PSMD11: variants seen among roughly 807,000 people sequenced by gnomAD.
The protein encoded by PSMD11 is proteasome 26S subunit, non-ATPase 11.
A neutral mutation model predicts 62.3 loss-of-function variants in PSMD11; 5 were observed. The ratio of observed to expected loss-of-function variants is 0.08; its 90% CI spans 0.04 to 0.17. PSMD11 has a LOEUF of 0.17. Among genes scored for constraint, PSMD11 ranks in the 10% least tolerant of loss-of-function variants. The probability of loss-of-function intolerance (pLI) is 1.00; values close to 1 mark genes in which losing one functional copy is unlikely to be tolerated. For missense variants in PSMD11, 310 were observed against 512.9 expected (o/e 0.60, Z 3.82); for synonymous variants, 191 against 191.8 (o/e 1.00, Z 0.03).
chr17:32,444,727 G>T, intron 1 of PSMD11, 113 bp downstream of exon 1: 1 of 1,350,978 alleles, frequency 7.4e-7, no homozygotes, highest in South Asian at 1.3e-5. Flanking sequence ...GACTCACTGT[G>T]TGAGGGGGGC....
Position 32,459,723 on chromosome 17 carries a change from T to C in PSMD11, c.319-4326T>C, listed in dbSNP as rs373458427. Among the ~76,000 whole-genome samples the C allele has an allele frequency of 5.9e-5, 9 of 152,136 alleles. No homozygotes were observed. The East Asian group carries it at 1.7e-3, about 29-fold the overall frequency. On this transcript the variant is annotated intron_variant, in intron 3 of 13. Coordinates refer to ENST00000261712, the MANE Select transcript of PSMD11 (RefSeq NM_002815.4). ...CTCTGTCTCCCAGGCTGGAGTGCAGTGGTGTGATCTTGGCTCACTACAACT... is the reference window on the plus strand; with the variant it reads ...CTCTGTCTCCCAGGCTGGAGTGCAGCGGTGTGATCTTGGCTCACTACAACT...
At chr17:32,453,728 A>T (rs1907570202) in intron 2 of PSMD11, among the ~76,000 whole-genome samples, 1 of 152,120 alleles carries the variant, frequency 6.6e-6, no homozygotes, top group Admixed American at 6.5e-5. Flanking sequence ...CCATTCTCTA[A>T]TTTTTACTAT....
At chr17:32,477,412 T>C in intron 8 of PSMD11, 109 bp from the exon 9 acceptor site, 1 of 866,330 alleles carries the variant, frequency 1.2e-6, no homozygotes, top group Non-Finnish European at 1.6e-6. Context: ...GTGGGGCGGG[T>C]TCTTCCTTTT....
intron 2 of PSMD11, among the ~76,000 whole-genome samples, chr17:32,447,675 T>C (rs1907370248): frequency 6.6e-6 from 1 of 152,170 alleles, no homozygotes; most frequent in Non-Finnish European, 1.5e-5. Flanking sequence ...AAAGTGGTAA[T>C]AGTATTTAGA....
rs1233480498 is a variant in PSMD11 at position 32,464,164 on chromosome 17, AC to A, written c.390+45del. ...CTCATTTCAGGTCTCTAAGCATGAGACAGAGGGTGAATGTAAGCAGTACCAT... is the reference window on the plus strand; with the variant it reads ...CTCATTTCAGGTCTCTAAGCATGAGAAGAGGGTGAATGTAAGCAGTACCAT... On this transcript the variant is annotated intron_variant, in intron 4 of 13. Transcript: ENST00000261712. 5 of 1,529,560 alleles carry A rather than the reference AC, an allele frequency of 3.3e-6. No homozygotes were observed. The South Asian group carries it at 5.6e-5, about 17-fold the overall frequency. The allele number at this position is 1,529,560 out of a possible 1,614,324, so 94.7% of individuals were successfully genotyped here. A position where few individuals can be genotyped will look rare whatever the true frequency, so the allele number is the denominator to read the frequency against.
intron 5 of PSMD11, among the ~76,000 whole-genome samples, chr17:32,465,939 T>A (rs1226363251): frequency 6.6e-6 from 1 of 152,080 alleles, no homozygotes; most frequent in East Asian, 1.9e-4. Flanking sequence ...TATGCCACTG[T>A]ACTCCAGCCT....
At chr17:32,477,379 C>G in intron 8 of PSMD11, 142 bp from the exon 9 acceptor site, 1 of 586,570 alleles carries the variant, frequency 1.7e-6, no homozygotes, top group Non-Finnish European at 2.8e-6. Flanking sequence ...CTCTTCTTCC[C>G]GGGCGTCTGA....
At chr17:32,450,499 T>C (rs1403117838) in intron 2 of PSMD11, among the ~76,000 whole-genome samples, 2 of 149,342 alleles carry the variant, frequency 1.3e-5, no homozygotes, top group East Asian at 3.9e-4. Context: ...ACTCCTGACC[T>C]CAGGTGATCC....
At chr17:32,459,452 G>C (rs1907759091) in intron 3 of PSMD11, among the ~76,000 whole-genome samples, 1 of 151,918 alleles carries the variant, frequency 6.6e-6, no homozygotes, top group Non-Finnish European at 1.5e-5. Flanking sequence ...TGCTCAGGCT[G>C]GTCTCAAACT....
Position 32,481,294 on chromosome 17 carries a change from C to A in PSMD11, c.*542C>A, listed in dbSNP as rs760173167. 4.7e-4 allele frequency: 74 copies of A among 156,314 alleles called. No individual in the cohort carries two copies. The highest frequency in any genetic ancestry group is 7.5e-4 in the Non-Finnish European group (52 of 69,410). 9.7% of individuals were successfully genotyped at this position (156,314 alleles called of 1,614,324 possible). A position where few individuals can be genotyped will look rare whatever the true frequency, so the allele number is the denominator to read the frequency against. On this transcript the variant is annotated 3_prime_UTR_variant, in exon 14 of 14. Coordinates refer to ENST00000261712, the MANE Select transcript of PSMD11 (RefSeq NM_002815.4). ...TACGGCCTGTCTGCCCTTCCCTCCC[C>A]ACATTGGCTCCAGCAGAGTAGCCGA...
intron 6 of PSMD11, among the ~76,000 whole-genome samples, chr17:32,472,073 G>T (rs1000060861): frequency 2.0e-5 from 3 of 152,102 alleles, no homozygotes; most frequent in Non-Finnish European, 4.4e-5. Context: ...TCACCCTGTT[G>T]CCTAGGCTGG....
intron 10 of PSMD11, chr17:32,479,624 G>T: frequency 1.4e-6 from 1 of 702,222 alleles, no homozygotes. Flanking sequence ...CACTGCATGT[G>T]TTGTACCTGT....
intron 9 of PSMD11, chr17:32,477,899 A>G (rs749471210): frequency 7.6e-5 from 14 of 183,936 alleles, no homozygotes; most frequent in Middle Eastern, 5.0e-3. Flanking sequence ...GGGAACTGGG[A>G]TTCAGGAGGA....
chr17:32,453,941 G>C (rs1000811683), intron 2 of PSMD11, among the ~76,000 whole-genome samples: 1 of 152,170 alleles, frequency 6.6e-6, no homozygotes, highest in Non-Finnish European at 1.5e-5. Flanking sequence ...TATGTGAAAA[G>C]TTTATTCAGA....
chr17:32,467,007 T>C (rs1422526963), intron 5 of PSMD11, among the ~76,000 whole-genome samples: 1 of 151,116 alleles, frequency 6.6e-6, no homozygotes, highest in Non-Finnish European at 1.5e-5. Flanking sequence ...TGCAGTGGCG[T>C]GATCTTGGCT....
intron 3 of PSMD11, 28 bp downstream of exon 3, chr17:32,454,647 A>G (rs1907598526): frequency 1.2e-6 from 2 of 1,606,086 alleles, no homozygotes; most frequent in Non-Finnish European, 1.7e-6. Flanking sequence ...CAGAAAGTAG[A>G]CAATATGGAG....
At chr17:32,444,802 G>T in intron 1 of PSMD11, 188 bp downstream of exon 1, 1 of 643,362 alleles carries the variant, frequency 1.6e-6, no homozygotes, top group Non-Finnish European at 2.5e-6. Context: ...TTGTGGGAGG[G>T]CTTGAGGCAA....
At chr17:32,450,114 C>T (rs1735304834) in intron 2 of PSMD11, among the ~76,000 whole-genome samples, 1 of 152,134 alleles carries the variant, frequency 6.6e-6, no homozygotes, top group Admixed American at 6.5e-5. Context: ...GCGCCCACCA[C>T]CACCCCCGGT....
intron 3 of PSMD11, among the ~76,000 whole-genome samples, chr17:32,455,307 A>G (rs138097175): frequency 1.3e-5 from 2 of 152,336 alleles, no homozygotes; most frequent in African/African-American, 4.8e-5. Context: ...TCTTATGGAT[A>G]TATTGATCAG....
Sources: gnomAD v4.1 joint callset for allele counts (sites outside exome capture counted in the v4.1 genomes callset) on GRCh38, gnomAD v4.1.1 for gene constraint, MANE v1.5 for transcripts, NCBI Gene and HGNC (gene_info 2026-07-23, HGNC 2026-07-21) for gene names.